THSD4: variants seen among roughly 807,000 people sequenced by gnomAD.
The protein encoded by THSD4 is thrombospondin type 1 domain containing 4, also known as thrombospondin type-1 domain-containing protein 4.
Under a neutral mutation model 119.0 loss-of-function variants are expected in THSD4, and 69 were observed. That is an observed-to-expected ratio of 0.58 (90% CI 0.48 to 0.71). The LOEUF (loss-of-function observed/expected upper bound fraction) is 0.71. THSD4 is among the 30% of genes least tolerant of loss of function. THSD4 has a pLI of 0.00. For missense variants in THSD4, 1,393 were observed against 1,391.1 expected (o/e 1.00, Z -0.02); for synonymous variants, 524 against 540.4 (o/e 0.97, Z 0.42).
At chr15:71,690,751 G>A (rs1178511211) in intron 8 of THSD4, among the ~76,000 whole-genome samples, 6 of 152,178 alleles carry the variant, frequency 3.9e-5, no homozygotes, top group Admixed American at 1.3e-4. Context: ...GCAAAAAAAG[G>A]TTGTGCAGGG....
chr15:71,680,306 A>G (rs2051747450), intron 8 of THSD4, among the ~76,000 whole-genome samples: 1 of 152,160 alleles, frequency 6.6e-6, no homozygotes, highest in Non-Finnish European at 1.5e-5. Context: ...AAAGGTCCCA[A>G]TCCAAACAGC....
intron 7 of THSD4, among the ~76,000 whole-genome samples, chr15:71,426,933 G>C (rs1427562928): frequency 6.6e-6 from 1 of 152,064 alleles, no homozygotes; most frequent in Non-Finnish European, 1.5e-5. Flanking sequence ...GGTAGAAATT[G>C]GTTATGAAAC....
intron 7 of THSD4, among the ~76,000 whole-genome samples, chr15:71,618,295 A>G (rs1377935951): frequency 6.6e-6 from 1 of 152,220 alleles, no homozygotes; most frequent in African/African-American, 2.4e-5. Context: ...CATAAAAGTA[A>G]GCAATCCCAC....
At chr15:71,173,088 T>A (rs921127614) in intron 3 of THSD4, among the ~76,000 whole-genome samples, 1 of 152,016 alleles carries the variant, frequency 6.6e-6, no homozygotes, top group African/African-American at 2.4e-5. Context: ...GAATACTTTT[T>A]CTCTTCACAG....
intron 5 of THSD4, among the ~76,000 whole-genome samples, chr15:71,247,922 C>G (rs1342218525): frequency 6.6e-6 from 1 of 152,172 alleles, no homozygotes; most frequent in Non-Finnish European, 1.5e-5. Flanking sequence ...AGAAATCAAA[C>G]CTCAATTCCT....
chr15:71,336,773 C>G (rs2045494156), intron 6 of THSD4, among the ~76,000 whole-genome samples: 1 of 152,130 alleles, frequency 6.6e-6, no homozygotes, highest in African/African-American at 2.4e-5. Context: ...GGATTTAACC[C>G]CAATCTAATT....
intron 6 of THSD4, among the ~76,000 whole-genome samples, chr15:71,339,348 A>G (rs1339748683): frequency 3.3e-5 from 5 of 152,026 alleles, no homozygotes; most frequent in Non-Finnish European, 7.4e-5. Flanking sequence ...CCCAAGTTTA[A>G]TGACTCAGGA....
intron 10 of THSD4, chr15:71,732,950 G>T (rs1275873297): frequency 6.6e-6 from 1 of 152,236 alleles, no homozygotes; most frequent in African/African-American, 2.4e-5. Context: ...AGAACATGGG[G>T]TGGGTGTGTT....
At chr15:71,637,806 A>G (rs550010500) in intron 7 of THSD4, among the ~76,000 whole-genome samples, 125 of 151,682 alleles carry the variant, frequency 8.2e-4, no homozygotes, top group Non-Finnish European at 1.3e-3. Flanking sequence ...GCTCAGTGCA[A>G]CCTCTGCCTC....
At chr15:71,414,440 A>G (rs1840482259) in intron 7 of THSD4, among the ~76,000 whole-genome samples, 1 of 152,232 alleles carries the variant, frequency 6.6e-6, no homozygotes, top group Non-Finnish European at 1.5e-5. Context: ...GGCCTGGGGA[A>G]GGGCCTGGGA....
rs2053938562 is a variant in THSD4, at chr15:71,777,649, A to G, written c.*275A>G. Reference sequence around the variant, plus strand: ...TGCTAATGGTGCCCTTTGAAAGTCAAGCAGTGGGAAGTACATGGAGCTCTC... The same window carrying G: ...TGCTAATGGTGCCCTTTGAAAGTCAGGCAGTGGGAAGTACATGGAGCTCTC... On this transcript the variant is annotated 3_prime_UTR_variant, in exon 18 of 18. Coordinates refer to ENST00000261862, the MANE Select transcript of THSD4 (RefSeq NM_024817.3). The G allele has an allele frequency of 4.3e-6, 2 of 462,414 alleles. No individual in the cohort carries two copies. The highest frequency in any genetic ancestry group is 8.0e-6 in the Non-Finnish European group (2 of 251,130). 28.6% of individuals were successfully genotyped at this position (462,414 alleles called of 1,614,324 possible). A position where few individuals can be genotyped will look rare whatever the true frequency, so the allele number is the denominator to read the frequency against.
At chr15:71,322,987 C>T (rs2045288471) in intron 6 of THSD4, among the ~76,000 whole-genome samples, 1 of 151,102 alleles carries the variant, frequency 6.6e-6, no homozygotes, top group African/African-American at 2.4e-5. Context: ...GTCCCAGCTA[C>T]TCAGGAGGCT....
At chr15:71,234,976 C>T (rs988880937) in intron 4 of THSD4, among the ~76,000 whole-genome samples, 5 of 152,208 alleles carry the variant, frequency 3.3e-5, no homozygotes, top group African/African-American at 1.2e-4. Context: ...TTGAGAAGGA[C>T]TATTCCTCGG....
chr15:71,548,218 C>T (rs929890340), intron 7 of THSD4, among the ~76,000 whole-genome samples: 2 of 152,062 alleles, frequency 1.3e-5, no homozygotes, highest in South Asian at 4.1e-4. Flanking sequence ...TCCACCCTCA[C>T]CTGCAAACAA....
chr15:71,261,593 T>G (rs2044400624), intron 6 of THSD4, among the ~76,000 whole-genome samples: 1 of 152,058 alleles, frequency 6.6e-6, no homozygotes, highest in Non-Finnish European at 1.5e-5. Flanking sequence ...GTTTGGGGGA[T>G]GGGGTACTTG....
chr15:71,380,430 A>C (rs538472411), intron 6 of THSD4, among the ~76,000 whole-genome samples: 37 of 152,140 alleles, frequency 2.4e-4, no homozygotes, highest in Middle Eastern at 3.2e-3. Flanking sequence ...TCTAGTCAAA[A>C]TGAAACCGTT....
intron 6 of THSD4, among the ~76,000 whole-genome samples, chr15:71,365,071 C>T (rs1052305722): frequency 6.6e-6 from 1 of 151,240 alleles, no homozygotes; most frequent in African/African-American, 2.4e-5. Context: ...AATCATTTAT[C>T]AGACCCTTGG....
At chr15:71,408,910 C>A (rs919725857) in intron 6 of THSD4, among the ~76,000 whole-genome samples, 4 of 152,070 alleles carry the variant, frequency 2.6e-5, no homozygotes, top group African/African-American at 9.7e-5. Flanking sequence ...CTAGAGAAGT[C>A]ATTACATAAT....
intron 6 of THSD4, among the ~76,000 whole-genome samples, chr15:71,373,972 C>G (rs1005554756): frequency 1.3e-5 from 2 of 152,198 alleles, no homozygotes; most frequent in African/African-American, 4.8e-5. Flanking sequence ...GACAACCCTT[C>G]CCTCAGGATG....
Sources: allele counts gnomAD v4.1 joint callset (sites outside exome capture counted in the v4.1 genomes callset), GRCh38; gene constraint gnomAD v4.1.1; transcripts MANE v1.5; gene names NCBI Gene and HGNC (gene_info 2026-07-23, HGNC 2026-07-21).